Variants in FOXO3 observed in about 807,000 individuals in gnomAD.
FOXO3 encodes the protein forkhead box O3.
In FOXO3, 4 loss-of-function variants were observed where a neutral mutation model predicts 41.9. That is an observed-to-expected ratio of 0.10 (90% CI 0.05 to 0.22). The LOEUF is 0.22. Among genes scored for constraint, FOXO3 ranks in the 10% least tolerant of loss-of-function variants. The probability of loss-of-function intolerance (pLI) is 1.00; values close to 1 mark genes in which losing one functional copy is unlikely to be tolerated. For missense variants in FOXO3, 534 were observed against 906.8 expected (o/e 0.59, Z 5.28); for synonymous variants, 318 against 389.3 (o/e 0.82, Z 2.16).
At chr6:108,658,702 G>T (rs1778760647) in intron 1 of FOXO3, among the ~76,000 whole-genome samples, 1 of 152,074 alleles carries the variant, frequency 6.6e-6, no homozygotes, top group Non-Finnish European at 1.5e-5. Flanking sequence ...AAGATTACAG[G>T]TGTGAGCCAC....
At chr6:108,624,955 T>G (rs925676038) in intron 1 of FOXO3, among the ~76,000 whole-genome samples, 5 of 152,136 alleles carry the variant, frequency 3.3e-5, no homozygotes, top group African/African-American at 1.2e-4. Flanking sequence ...TGTTTTGTTT[T>G]GTTTTTTAAA....
At chr6:108,656,321 A>C in intron 1 of FOXO3, 1 of 979,948 alleles carries the variant, frequency 1.0e-6, no homozygotes, top group Non-Finnish European at 1.2e-6. Context: ...GTTCCAGGGG[A>C]AGCACATGCA....
At chr6:108,628,396 A>C (rs1777873051) in intron 1 of FOXO3, among the ~76,000 whole-genome samples, 1 of 152,246 alleles carries the variant, frequency 6.6e-6, no homozygotes, top group Non-Finnish European at 1.5e-5. Context: ...CTGGCTGCGC[A>C]TATTTAAGTA....
chr6:108,663,717 C>G lies in FOXO3; in HGVS notation c.884C>G (p.Pro295Arg). Reference sequence around the variant, plus strand: ...CAGCTCTCCAAGTGGCCTGGCAGCCCCACGTCACGCAGCAGTGATGAGCTG... The same window carrying G: ...CAGCTCTCCAAGTGGCCTGGCAGCCGCACGTCACGCAGCAGTGATGAGCTG... ...PSQLSKWPGS[P>R]TSRSSDELDA... The change falls in exon 2 of 3, where the codon CCC becomes CGC. Residue 295 changes from proline (P) to arginine (R), a missense_variant. Coordinates refer to ENST00000406360, the MANE Select transcript of FOXO3 (RefSeq NM_001455.4). 1 of 1,613,558 alleles carries G rather than the reference C, an allele frequency of 6.2e-7. No homozygotes were observed. Among genetic ancestry groups the G allele is most frequent in the Non-Finnish European group, 8.5e-7 (1 of 1,179,662 alleles).
At chr6:108,583,789 C>T (rs993438571) in intron 1 of FOXO3, among the ~76,000 whole-genome samples, 1 of 152,094 alleles carries the variant, frequency 6.6e-6, no homozygotes, top group Non-Finnish European at 1.5e-5. Flanking sequence ...GTCTCATTGC[C>T]GATTATTGAA....
In FOXO3 at chr6:108,619,460, A is replaced by G. The variant is rs1777607532; in HGVS notation, c.622-43995A>G. 1.3e-5 allele frequency among the ~76,000 whole-genome samples: 2 copies of G among 152,258 alleles called. 1 individual carries two copies. The highest frequency in any genetic ancestry group is 4.1e-4 in the South Asian group (2 of 4,836). On this transcript the variant is annotated intron_variant, in intron 1 of 2. Coordinates refer to ENST00000406360, the MANE Select transcript of FOXO3 (RefSeq NM_001455.4). Reference sequence around the variant, plus strand: ...TATTCTACTTCTTAACAGTTGGAATATGCCAAACAAATGAAATAAAAATAG... The same window carrying G: ...TATTCTACTTCTTAACAGTTGGAATGTGCCAAACAAATGAAATAAAAATAG...
intron 1 of FOXO3, among the ~76,000 whole-genome samples, chr6:108,613,304 A>G (rs1777412081): frequency 2.6e-5 from 4 of 152,220 alleles, no homozygotes; most frequent in Non-Finnish European, 1.5e-5. Flanking sequence ...GCACTGTAGT[A>G]TCTCTTCCTT....
intron 1 of FOXO3, among the ~76,000 whole-genome samples, chr6:108,615,789 G>A (rs1777483648): frequency 6.6e-6 from 1 of 151,810 alleles, no homozygotes; most frequent in African/African-American, 2.4e-5. Flanking sequence ...TGCTTCATTT[G>A]GGTTAGTTGG....
upstream of FOXO3, chr6:108,560,792 TCC>T: frequency 3.9e-6 from 1 of 257,870 alleles, no homozygotes; most frequent in Admixed American, 5.9e-5. Flanking sequence ...CGGGCGCCCC[TCC>T]CCCTTCTCCC....
chr6:108,669,642 CT>C (rs1165036418), intron 2 of FOXO3, among the ~76,000 whole-genome samples: 7 of 152,186 alleles, frequency 4.6e-5, no homozygotes, highest in African/African-American at 1.4e-4. Flanking sequence ...ATGTTGGGAT[CT>C]TTTTAGTGTC....
chr6:108,609,473 C>G (rs1284035769), intron 1 of FOXO3, among the ~76,000 whole-genome samples: 1 of 152,148 alleles, frequency 6.6e-6, no homozygotes, highest in Admixed American at 6.5e-5. Context: ...AAGCTGTGCT[C>G]TTGATCTCTT....
intron 1 of FOXO3, among the ~76,000 whole-genome samples, chr6:108,605,197 C>T (rs1205063467): frequency 6.6e-6 from 1 of 152,144 alleles, no homozygotes; most frequent in Admixed American, 6.5e-5. Context: ...CAGCTCACTG[C>T]AACCTCCGCC....
chr6:108,644,134 C>T (rs1778334343), intron 1 of FOXO3, among the ~76,000 whole-genome samples: 1 of 151,306 alleles, frequency 6.6e-6, no homozygotes. Flanking sequence ...TCTCTGAGGC[C>T]CTCACTGCGG....
At chr6:108,647,179 C>T (rs1308748885) in intron 1 of FOXO3, among the ~76,000 whole-genome samples, 2 of 152,242 alleles carry the variant, frequency 1.3e-5, no homozygotes, top group East Asian at 3.9e-4. Context: ...GTAAGAATAC[C>T]TCACTGTAGC....
intron 1 of FOXO3, among the ~76,000 whole-genome samples, chr6:108,591,781 G>A (rs900966757): frequency 6.6e-6 from 1 of 151,956 alleles, no homozygotes; most frequent in Admixed American, 6.6e-5. Context: ...TGTACTTTAT[G>A]CAAAGTTACT....
chr6:108,585,090 G>A (rs895834540), intron 1 of FOXO3, among the ~76,000 whole-genome samples: 1 of 128,394 alleles, frequency 7.8e-6, no homozygotes, highest in Admixed American at 9.6e-5. Context: ...GCCGGACTGC[G>A]GACTGCAATG....
At chr6:108,615,054 T>C (rs1278368434) in intron 1 of FOXO3, among the ~76,000 whole-genome samples, 9 of 152,188 alleles carry the variant, frequency 5.9e-5, no homozygotes, top group Non-Finnish European at 1.3e-4. Flanking sequence ...TTCTCCCTTA[T>C]TATTCTTAGT....
chr6:108,566,871 C>G (rs1388525587), intron 1 of FOXO3, among the ~76,000 whole-genome samples: 2 of 152,160 alleles, frequency 1.3e-5, no homozygotes, highest in East Asian at 1.9e-4. Context: ...GATGTTACAG[C>G]TGGTATACAG....
rs1432689379 is a variant in FOXO3 at position 108,681,927 on chromosome 6, AG to A, written c.*2138del. 1 of 152,068 alleles carries A rather than the reference AG, an allele frequency of 6.6e-6. No individual in the cohort carries two copies. Among genetic ancestry groups the A allele is most frequent in the African/African-American group, 2.4e-5 (1 of 41,390 alleles). 9.4% of individuals were successfully genotyped at this position (152,068 alleles called of 1,614,324 possible). A position where few individuals can be genotyped will look rare whatever the true frequency, so the allele number is the denominator to read the frequency against. ...GAGGGTTGCCTCTCCAAGCTTCCTA[AG>A]GGATGCTGCCCTGTGTGGGGATGCA... On this transcript the variant is annotated 3_prime_UTR_variant, in exon 3 of 3. Coordinates refer to ENST00000406360, the MANE Select transcript of FOXO3 (RefSeq NM_001455.4).
Sources: allele counts gnomAD v4.1 joint callset (sites outside exome capture counted in the v4.1 genomes callset), GRCh38; gene constraint gnomAD v4.1.1; transcripts MANE v1.5; gene names NCBI Gene and HGNC (gene_info 2026-07-23, HGNC 2026-07-21).